DISC1: variants seen among roughly 807,000 people sequenced by gnomAD.
DISC1 encodes the protein DISC1 scaffold protein, also known as disrupted in schizophrenia 1 protein.
A neutral mutation model predicts 84.5 loss-of-function variants in DISC1; 57 were observed. That is an observed-to-expected ratio of 0.67 (90% CI 0.55 to 0.84). DISC1 has a LOEUF of 0.84. Ranked by LOEUF, DISC1 falls within the 40% of genes least tolerant of loss-of-function variation. The probability of loss-of-function intolerance (pLI) is 0.00; values close to 1 mark genes in which losing one functional copy is unlikely to be tolerated. For synonymous variants in DISC1, 411 were observed against 415.2 expected (o/e 0.99, Z 0.12); for missense variants, 1,000 against 1,057.8 (o/e 0.95, Z 0.76).
chr1:231,957,185 A>G (rs1170132435), intron 9 of DISC1, among the ~76,000 whole-genome samples: 2 of 152,100 alleles, frequency 1.3e-5, no homozygotes, highest in Non-Finnish European at 2.9e-5. Flanking sequence ...CCTATGGAAC[A>G]TTTGGCTCCG....
At chr1:231,673,543 G>T (rs1024690406) in intron 1 of DISC1, among the ~76,000 whole-genome samples, 2 of 151,366 alleles carry the variant, frequency 1.3e-5, no homozygotes, top group Non-Finnish European at 2.9e-5. Context: ...TTTCTCCAGA[G>T]ATTTCTTTCC....
chr1:231,843,605 G>A (rs753564316), intron 9 of DISC1, among the ~76,000 whole-genome samples: 5 of 152,094 alleles, frequency 3.3e-5, no homozygotes, highest in African/African-American at 4.8e-5. Context: ...GAAGAGGAGG[G>A]GATACGTTAC....
intron 9 of DISC1, among the ~76,000 whole-genome samples, chr1:231,911,905 C>T (rs542802765): frequency 6.6e-5 from 10 of 152,204 alleles, no homozygotes; most frequent in African/African-American, 2.4e-4. Context: ...CTTCTCTTAT[C>T]GCTTCATTTC....
intron 9 of DISC1, among the ~76,000 whole-genome samples, chr1:231,891,391 A>C (rs2126005260): frequency 6.6e-6 from 1 of 152,324 alleles, no homozygotes; most frequent in East Asian, 1.9e-4. Flanking sequence ...ATCAGGAGGT[A>C]ATTGCCACTG....
chr1:231,641,773 G>T (rs2059712295), intron 1 of DISC1, among the ~76,000 whole-genome samples: 1 of 152,198 alleles, frequency 6.6e-6, no homozygotes, highest in Non-Finnish European at 1.5e-5. Context: ...GTCCATTGGT[G>T]CATTCACAAA....
chr1:231,628,686 A>C (rs1415042542), intron 1 of DISC1, among the ~76,000 whole-genome samples: 1 of 152,202 alleles, frequency 6.6e-6, no homozygotes, highest in African/African-American at 2.4e-5. Context: ...CCGCTTGCCA[A>C]ACTGAACTTA....
Position 231,974,182 on chromosome 1 carries a change from C to T in DISC1, c.2042+15294C>T, listed in dbSNP as rs1174898008. Among the ~76,000 whole-genome samples the T allele has an allele frequency of 3.3e-5, 5 of 152,064 alleles. No individual in the cohort carries two copies. In the East Asian group the frequency reaches 7.7e-4, roughly 23 times the overall value. On this transcript the variant is annotated intron_variant, in intron 10 of 12. Coordinates refer to ENST00000439617, the MANE Select transcript of DISC1 (RefSeq NM_018662.3). ...ACTAGAATGGGGAGGGCAGCATGTG[C>T]GGGTGCGGGGCTGGCCTTCCCGTGG...
chr1:231,854,472 A>T (rs2084118364), intron 9 of DISC1, among the ~76,000 whole-genome samples: 1 of 152,204 alleles, frequency 6.6e-6, no homozygotes, highest in Non-Finnish European at 1.5e-5. Context: ...TATAAAAGGT[A>T]GAGCAGTATA....
intron 9 of DISC1, among the ~76,000 whole-genome samples, chr1:231,850,644 A>T (rs1231020752): frequency 6.6e-6 from 1 of 152,246 alleles, no homozygotes; most frequent in Non-Finnish European, 1.5e-5. Flanking sequence ...TCTATACACT[A>T]AAAAAAGAAG....
At chr1:231,635,899 A>G (rs1007442826) in intron 1 of DISC1, among the ~76,000 whole-genome samples, 13 of 152,198 alleles carry the variant, frequency 8.5e-5, no homozygotes, top group Admixed American at 2.0e-4. Flanking sequence ...AGTCCCGTGG[A>G]AAAAAGAGAA....
intron 3 of DISC1, among the ~76,000 whole-genome samples, chr1:231,737,254 A>G (rs1373011024): frequency 7.2e-5 from 11 of 152,216 alleles, no homozygotes. Context: ...TCTTCAATGC[A>G]TTATTTTGCC....
At chr1:231,764,017 A>G (rs1224049973) in intron 4 of DISC1, among the ~76,000 whole-genome samples, 1 of 152,262 alleles carries the variant, frequency 6.6e-6, no homozygotes, top group Non-Finnish European at 1.5e-5. Context: ...CCCTGTGTTA[A>G]TATATAAATA....
Position 232,038,467 on chromosome 1 carries a change from T to G in DISC1, c.*1636T>G, listed in dbSNP as rs1572718287. ...GGTAAATACACCATACCATAATATC[T>G]GCTTGGAGAACCACAATGCACATTA... On this transcript the variant is annotated 3_prime_UTR_variant, in exon 13 of 13. Coordinates refer to ENST00000439617, the MANE Select transcript of DISC1 (RefSeq NM_018662.3). 6.6e-6 allele frequency: 1 copy of G among 152,174 alleles called. No homozygotes were observed. Among genetic ancestry groups the G allele is most frequent in the African/African-American group, 2.4e-5 (1 of 41,442 alleles). 9.4% of individuals were successfully genotyped at this position (152,174 alleles called of 1,614,324 possible).
rs1217817859 is a variant in DISC1, at chr1:232,018,782, A to G, written c.2308-7653A>G. On this transcript the variant is annotated intron_variant, in intron 11 of 12. Coordinates refer to ENST00000439617, the MANE Select transcript of DISC1 (RefSeq NM_018662.3). ...GATGGTAGGGCTTTATTGGAGGCCAATAAAAGCCATGTGTGTACAGCAGTA... is the reference window on the plus strand; with the variant it reads ...GATGGTAGGGCTTTATTGGAGGCCAGTAAAAGCCATGTGTGTACAGCAGTA... Among the ~76,000 whole-genome samples, 5 of 152,338 alleles carry G rather than the reference A, an allele frequency of 3.3e-5. No homozygotes were observed. In the East Asian group the frequency reaches 5.8e-4, roughly 18 times the overall value.
intron 3 of DISC1, among the ~76,000 whole-genome samples, chr1:231,728,177 G>T (rs904006246): frequency 6.6e-6 from 1 of 151,970 alleles, no homozygotes. Flanking sequence ...CCTCTTTAGA[G>T]GTTTATCTTT....
Position 232,037,097 on chromosome 1 carries a change from G to A in DISC1, c.*266G>A, listed in dbSNP as rs201730777. On this transcript the variant is annotated 3_prime_UTR_variant, in exon 13 of 13. Coordinates refer to ENST00000439617, the MANE Select transcript of DISC1 (RefSeq NM_018662.3). ...TCTTTTCCATGTCATTCTTGGGAAT[G>A]TCTTCCACAGGATTTGAGAATAGTT... 8.0e-5 allele frequency: 21 copies of A among 263,476 alleles called. No homozygotes were observed. Among genetic ancestry groups the A allele is most frequent in the African/African-American group, 1.1e-4 (5 of 45,338 alleles). The allele number at this position is 263,476 out of a possible 1,614,324, so 16.3% of individuals were successfully genotyped here.
chr1:231,888,063 G>A (rs1165915622), intron 9 of DISC1, among the ~76,000 whole-genome samples: 2 of 152,210 alleles, frequency 1.3e-5, no homozygotes, highest in African/African-American at 4.8e-5. Flanking sequence ...ATGCAAAGCA[G>A]CATTCCATAT....
At chr1:231,894,088 G>T (rs189846678) in intron 9 of DISC1, among the ~76,000 whole-genome samples, 2 of 152,054 alleles carry the variant, frequency 1.3e-5, no homozygotes, top group Admixed American at 1.3e-4. Flanking sequence ...TGTTGGGTGT[G>T]GTATTGCATA....
chr1:231,701,782 T>G (rs1436716647), intron 2 of DISC1, among the ~76,000 whole-genome samples, 173 bp from the exon 3 acceptor site: 1 of 152,224 alleles, frequency 6.6e-6, no homozygotes, highest in Non-Finnish European at 1.5e-5. Flanking sequence ...TAGATTTTTT[T>G]TGGAGAAACT....
Sources: gnomAD v4.1 joint callset for allele counts (sites outside exome capture counted in the v4.1 genomes callset) on GRCh38, gnomAD v4.1.1 for gene constraint, MANE v1.5 for transcripts, NCBI Gene and HGNC (gene_info 2026-07-23, HGNC 2026-07-21) for gene names.